CCDC30: variants seen among roughly 807,000 people sequenced by gnomAD.
The protein encoded by CCDC30 is coiled-coil domain-containing protein 30.
CCDC30 carries 70 observed loss-of-function variants against 100.2 expected under a neutral mutation model. That is an observed-to-expected ratio of 0.70 (90% CI 0.58 to 0.85). The LOEUF (loss-of-function observed/expected upper bound fraction) is 0.85. Ranked by LOEUF, CCDC30 falls within the 40% of genes least tolerant of loss-of-function variation. The pLI is 0.00. For missense variants in CCDC30, 652 were observed against 771.2 expected, an observed-to-expected ratio of 0.85 and a Z score of 1.83; for synonymous variants, 233 against 269.5, an observed-to-expected ratio of 0.86 and a Z score of 1.33.
At chr1:42,563,600 G>T (rs929521259) in intron 6 of CCDC30, among the ~76,000 whole-genome samples, 54 of 152,128 alleles carry the variant, frequency 3.5e-4, no homozygotes, top group African/African-American at 1.2e-3. Context: ...TTAAAAAGTG[G>T]CTGGGCGCGC....
intron 6 of CCDC30, among the ~76,000 whole-genome samples, chr1:42,500,035 A>AGAC (rs762162604): frequency 6.6e-6 from 1 of 152,146 alleles, no homozygotes; most frequent in African/African-American, 2.4e-5. Context: ...CAGATGGGAG[A>AGAC]GACAGGCACA....
intron 11 of CCDC30, among the ~76,000 whole-genome samples, chr1:42,617,174 C>G (rs768401095): frequency 1.3e-5 from 2 of 152,122 alleles, no homozygotes; most frequent in Non-Finnish European, 2.9e-5. Flanking sequence ...CATGGTGGCT[C>G]ACACCTGTAA....
At chr1:42,599,531 T>C (rs12045583) in intron 10 of CCDC30, among the ~76,000 whole-genome samples, 30,207 of 152,018 alleles carry the variant, frequency 0.2, 3,319 homozygotes, top group South Asian at 0.42. Flanking sequence ...AAAACAGTAA[T>C]AAATATGGTA....
chr1:42,544,360 A>G (rs1451408899), intron 6 of CCDC30, among the ~76,000 whole-genome samples: 2 of 152,210 alleles, frequency 1.3e-5, no homozygotes, highest in Non-Finnish European at 2.9e-5. Flanking sequence ...CCAAATCACA[A>G]AAGGCAGTGA....
intron 11 of CCDC30, among the ~76,000 whole-genome samples, chr1:42,618,981 G>C (rs1646779289): frequency 1.3e-5 from 2 of 152,124 alleles, no homozygotes; most frequent in Admixed American, 1.3e-4. Context: ...CTGTTGGCCA[G>C]AACTTACATG....
intron 6 of CCDC30, among the ~76,000 whole-genome samples, chr1:42,528,682 C>G (rs1035724946): frequency 3.3e-5 from 5 of 152,160 alleles, no homozygotes; most frequent in African/African-American, 4.8e-5. Flanking sequence ...AATATTCCCA[C>G]CATGCTCAGT....
At chr1:42,545,470 G>C in intron 6 of CCDC30, 2 of 1,602,618 alleles carry the variant, frequency 1.2e-6, no homozygotes, top group Non-Finnish European at 1.7e-6. Flanking sequence ...GGGAAAAACT[G>C]CACCTTCTAA....
intron 1 of CCDC30, among the ~76,000 whole-genome samples, chr1:42,478,563 A>AG (rs1404506920): frequency 6.6e-6 from 1 of 152,324 alleles, no homozygotes; most frequent in African/African-American, 2.4e-5. Context: ...ATTTGAGACC[A>AG]GCCAGGACAA....
chr1:42,494,555 A>G (rs953651224), intron 4 of CCDC30, among the ~76,000 whole-genome samples: 12 of 152,214 alleles, frequency 7.9e-5, no homozygotes, highest in Non-Finnish European at 1.2e-4. Context: ...AACTACCATC[A>G]GAGTGAACAG....
chr1:42,507,886 A>G (rs1644419618), intron 6 of CCDC30, among the ~76,000 whole-genome samples: 1 of 152,146 alleles, frequency 6.6e-6, no homozygotes, highest in African/African-American at 2.4e-5. Flanking sequence ...TATTTTACCA[A>G]TAATCTTGAA....
At chr1:42,619,682 T>C (rs1646794324) in intron 11 of CCDC30, among the ~76,000 whole-genome samples, 1 of 152,146 alleles carries the variant, frequency 6.6e-6, no homozygotes, top group African/African-American at 2.4e-5. Flanking sequence ...AATATCGCTT[T>C]CACACCTTTA....
At chr1:42,559,242 G>A (rs1296887377) in intron 6 of CCDC30, among the ~76,000 whole-genome samples, 1 of 152,140 alleles carries the variant, frequency 6.6e-6, no homozygotes, top group East Asian at 1.9e-4. Context: ...CAACTAGTGT[G>A]CAAAATAATC....
At chr1:42,579,414 A>G (rs1645913859) in intron 8 of CCDC30, among the ~76,000 whole-genome samples, 1 of 151,470 alleles carries the variant, frequency 6.6e-6, no homozygotes, top group East Asian at 2.0e-4. Context: ...TGGGTGGATC[A>G]CCTGAGGTCA....
intron 6 of CCDC30, among the ~76,000 whole-genome samples, chr1:42,508,060 A>T (rs915892205): frequency 6.6e-6 from 1 of 152,224 alleles, no homozygotes; most frequent in East Asian, 1.9e-4. Context: ...CAGACAGAAG[A>T]TTTAGCACTT....
intron 6 of CCDC30, chr1:42,500,449 T>C (rs1413070829): frequency 2.8e-6 from 2 of 721,778 alleles, no homozygotes; most frequent in East Asian, 5.5e-5. Flanking sequence ...AGTCTCGCTC[T>C]GTCGCCCAGG....
chr1:42,488,377 G>A (rs914819246), intron 3 of CCDC30, among the ~76,000 whole-genome samples: 1 of 152,032 alleles, frequency 6.6e-6, no homozygotes, highest in African/African-American at 2.4e-5. Flanking sequence ...GAGTACAGTG[G>A]CACGATCATC....
chr1:42,641,215 T>TG (rs1647360561), intron 12 of CCDC30, among the ~76,000 whole-genome samples: 1 of 132,358 alleles, frequency 7.6e-6, no homozygotes, highest in Non-Finnish European at 1.6e-5. Flanking sequence ...CACATGGCTT[T>TG]TGTGTGTGTG....
intron 6 of CCDC30, among the ~76,000 whole-genome samples, chr1:42,523,688 C>T (rs1018808454): frequency 1.3e-5 from 2 of 152,288 alleles, no homozygotes; most frequent in South Asian, 4.1e-4. Context: ...TCTGCCCTCT[C>T]TTTCTTCTGG....
intron 6 of CCDC30, among the ~76,000 whole-genome samples, chr1:42,536,201 G>T (rs1486660917): frequency 2.6e-5 from 4 of 152,006 alleles, no homozygotes; most frequent in African/African-American, 7.2e-5. Flanking sequence ...CCTTATATTT[G>T]ATAAGTGATT....
Sources: allele counts gnomAD v4.1 joint callset (sites outside exome capture counted in the v4.1 genomes callset), GRCh38; gene constraint gnomAD v4.1.1; transcripts MANE v1.5; gene names NCBI Gene and HGNC (gene_info 2026-07-23, HGNC 2026-07-21).